Variants in DAB1 observed in about 807,000 individuals in gnomAD.
The protein encoded by DAB1 is DAB adaptor protein 1.
Under a neutral mutation model 64.6 loss-of-function variants are expected in DAB1, and 15 were observed. The observed-to-expected ratio is 0.23, with a 90% CI of 0.16 to 0.36. The LOEUF is 0.36. Ranked by LOEUF, DAB1 falls within the 10% of genes least tolerant of loss-of-function variation. The pLI is 1.00. For synonymous variants in DAB1, 235 were observed against 251.9 expected (o/e 0.93, Z 0.64); for missense variants, 596 against 706.7 (o/e 0.84, Z 1.78).
chr1:57,110,761 T>G (rs933555763), intron 4 of DAB1, among the ~76,000 whole-genome samples: 2 of 152,102 alleles, frequency 1.3e-5, no homozygotes, highest in Non-Finnish European at 2.9e-5. Flanking sequence ...CAGTACTTCA[T>G]GGGCGTTATT....
intron 1 of DAB1, among the ~76,000 whole-genome samples, chr1:57,828,251 C>T (rs1006839835): frequency 2.0e-5 from 3 of 152,190 alleles, no homozygotes; most frequent in African/African-American, 7.2e-5. Flanking sequence ...GGCCGATCAT[C>T]CCCATCTTAT....
rs146770096 is a variant in DAB1, at chr1:58,096,624, A to G, written n.387+53887T>C. ...ATTGAGATGGTTCAACACTTGCCCC[A>G]TAACATATACCCAGAAAAGTCTTCT... On this transcript the variant is annotated intron_variant and non_coding_transcript_variant, in intron 5 of 20. Coordinates refer to the DAB1 transcript ENST00000485760. Among the ~76,000 whole-genome samples the G allele has an allele frequency of 7.4e-3, 1,122 of 152,358 alleles. 22 individuals are homozygous for G. The highest frequency in any genetic ancestry group is 0.024 in the African/African-American group (982 of 41,590).
intron 9 of DAB1, among the ~76,000 whole-genome samples, chr1:57,034,616 C>T (rs777431532): frequency 6.6e-6 from 1 of 152,138 alleles, no homozygotes; most frequent in African/African-American, 2.4e-5. Context: ...GTTTATATTA[C>T]ACATTATAGG....
At chr1:58,240,286 G>A (rs564901517) in intron 4 of DAB1, among the ~76,000 whole-genome samples, 1 of 152,286 alleles carries the variant, frequency 6.6e-6, no homozygotes, top group South Asian at 2.1e-4. Context: ...TAAAATTACA[G>A]GTGCAACTTC....
intron 5 of DAB1, among the ~76,000 whole-genome samples, chr1:58,062,106 G>C (rs1313260464): frequency 2.0e-5 from 3 of 152,302 alleles, no homozygotes; most frequent in African/African-American, 7.2e-5. Flanking sequence ...ATTTAATCCA[G>C]GGAACATTCT....
chr1:57,319,270 G>T (rs1043898565), intron 1 of DAB1, among the ~76,000 whole-genome samples: 1 of 152,150 alleles, frequency 6.6e-6, no homozygotes, highest in Admixed American at 6.5e-5. Context: ...AGAGCTCATG[G>T]TCCAGCTCCC....
chr1:58,331,693 T>C (rs1286751756), intron 4 of DAB1, among the ~76,000 whole-genome samples: 2 of 152,200 alleles, frequency 1.3e-5, no homozygotes, highest in Non-Finnish European at 2.9e-5. Context: ...CTGAGATGAT[T>C]GCTAACAGTT....
chr1:58,168,222 C>T (rs111901342), intron 4 of DAB1, among the ~76,000 whole-genome samples: 2,578 of 152,210 alleles, frequency 0.017, 67 homozygotes, highest in South Asian at 0.099. Context: ...GAGTTGGGAG[C>T]GCTGGTTTGC....
intron 1 of DAB1, among the ~76,000 whole-genome samples, chr1:57,308,907 GA>G (rs906677397): frequency 2.0e-5 from 3 of 151,140 alleles, no homozygotes; most frequent in East Asian, 1.9e-4. Context: ...CTTTAAAGAT[GA>G]AAAAAAAACT....
chr1:57,632,021 G>A (rs1645995932), intron 7 of DAB1, among the ~76,000 whole-genome samples: 2 of 152,228 alleles, frequency 1.3e-5, no homozygotes, highest in South Asian at 4.1e-4. Flanking sequence ...ATATTCCATT[G>A]TAGGCTTCTG....
chr1:57,308,217 G>T (rs1674364506), intron 1 of DAB1, among the ~76,000 whole-genome samples: 1 of 152,198 alleles, frequency 6.6e-6, no homozygotes. Flanking sequence ...TTGATTAGGT[G>T]CCCATTAGCT....
At chr1:57,694,075 A>C (rs1050711791) in intron 6 of DAB1, among the ~76,000 whole-genome samples, 2 of 152,188 alleles carry the variant, frequency 1.3e-5, no homozygotes, top group South Asian at 2.1e-4. Context: ...TTCTTGTAGT[A>C]GTTTCAAAAG....
At chr1:58,321,955 C>G (rs140706260) in intron 4 of DAB1, among the ~76,000 whole-genome samples, 4,633 of 152,340 alleles carry the variant, frequency 0.03, 98 homozygotes, top group Middle Eastern at 0.054. Flanking sequence ...GACAGACTGC[C>G]TCCTCAAGTA....
chr1:58,491,538 C>T (rs1569880797), intron 3 of DAB1, among the ~76,000 whole-genome samples: 1 of 152,078 alleles, frequency 6.6e-6, no homozygotes, highest in African/African-American at 2.4e-5. Context: ...TGCAGAGACA[C>T]ACATAGGTTC....
At chr1:57,319,145 G>C (rs1675472089) in intron 1 of DAB1, among the ~76,000 whole-genome samples, 1 of 152,066 alleles carries the variant, frequency 6.6e-6, no homozygotes, top group African/African-American at 2.4e-5. Context: ...ATGGCCCCAG[G>C]GCTGCTGCTA....
intron 2 of DAB1, among the ~76,000 whole-genome samples, chr1:57,268,324 C>T (rs114285348): frequency 2.2e-4 from 34 of 152,294 alleles, no homozygotes; most frequent in Admixed American, 1.6e-3. Flanking sequence ...GAAGGACCTT[C>T]CAAAGGTTGC....
chr1:58,407,216 T>A (rs3850541), intron 3 of DAB1, among the ~76,000 whole-genome samples: 53,407 of 151,918 alleles, frequency 0.35, 9,603 homozygotes, highest in African/African-American at 0.41. Context: ...CTTTGTCAGA[T>A]TTCTGTGCTG....
At chr1:57,364,027 C>A (rs1679766762) in intron 1 of DAB1, among the ~76,000 whole-genome samples, 1 of 152,136 alleles carries the variant, frequency 6.6e-6, no homozygotes, top group South Asian at 2.1e-4. Context: ...TGTAAGGATT[C>A]AGATTTCTTT....
intron 3 of DAB1, among the ~76,000 whole-genome samples, chr1:58,369,992 C>A (rs572693258): frequency 6.6e-6 from 1 of 152,300 alleles, no homozygotes; most frequent in East Asian, 1.9e-4. Context: ...CTTTGTAAAG[C>A]ACTTGGCAGC....
Sources: allele counts gnomAD v4.1 joint callset (sites outside exome capture counted in the v4.1 genomes callset), GRCh38; gene constraint gnomAD v4.1.1; transcripts MANE v1.5; gene names NCBI Gene and HGNC (gene_info 2026-07-23, HGNC 2026-07-21).